The following PGLYRP3 variants were observed in gnomAD, a reference collection of about 807,000 sequenced individuals.
The protein encoded by PGLYRP3 is peptidoglycan recognition protein I alpha.
A neutral mutation model predicts 36.0 loss-of-function variants in PGLYRP3; 39 were observed. The observed-to-expected ratio is 1.08, with a 90% CI of 0.84 to 1.41. PGLYRP3 has a LOEUF of 1.41. PGLYRP3 is among the 40% of genes most tolerant of loss of function. The probability of loss-of-function intolerance (pLI) is 0.00; values close to 1 mark genes in which losing one functional copy is unlikely to be tolerated. For synonymous variants in PGLYRP3, 204 were observed against 172.8 expected (o/e 1.18, Z -1.42); for missense variants, 407 against 427.9 (o/e 0.95, Z 0.43).
Position 153,297,914 on chromosome 1 carries a change from A to C in PGLYRP3, c.*42T>G, listed in dbSNP as rs758351596. On this transcript the variant is annotated 3_prime_UTR_variant, in exon 8 of 8. Transcript: ENST00000683862. ...TGGCTGGTGAGGGTTGGAGAGACCC[A>C]GCAGGGGAGGGAGGGCAGTCTCAAA... 1.6e-5 allele frequency: 26 copies of C among 1,601,544 alleles called. No individual in the cohort carries two copies. Among genetic ancestry groups the C allele is most frequent in the Non-Finnish European group, 2.1e-5 (25 of 1,172,114 alleles).
At chr1:153,302,862 G>A (rs1465905410) in intron 5 of PGLYRP3, among the ~76,000 whole-genome samples, 1 of 152,212 alleles carries the variant, frequency 6.6e-6, no homozygotes, top group Non-Finnish European at 1.5e-5. Context: ...TAAGCAGAAG[G>A]GAAAGGGCTG....
chr1:153,299,828 C>G (rs1313013820), intron 6 of PGLYRP3, among the ~76,000 whole-genome samples: 1 of 152,210 alleles, frequency 6.6e-6, no homozygotes, highest in East Asian at 1.9e-4. Flanking sequence ...TACCCCCTCA[C>G]TCAGCCCACC....
chr1:153,300,308 G>A (rs113586136), intron 6 of PGLYRP3, among the ~76,000 whole-genome samples: 3 of 152,216 alleles, frequency 2.0e-5, no homozygotes, highest in Non-Finnish European at 2.9e-5. Flanking sequence ...CCTCCCTCTA[G>A]AAGCCATTCT....
At position 153,311,963 on chromosome 1, in the gene PGLYRP3, C is replaced by T. The variant is rs536285290; in HGVS notation, c.-42+680G>A. ...AATAAATATAAGGAAAAATGTTCAG[C>T]CTCCCTCGTTAGTTAAATGAGAGGT... On this transcript the variant is annotated intron_variant, in intron 1 of 7. Transcript: ENST00000683862. Among the ~76,000 whole-genome samples the T allele has an allele frequency of 2.6e-5, 4 of 152,258 alleles. No individual in the cohort carries two copies. The South Asian group carries it at 8.3e-4, about 32-fold the overall frequency.
intron 1 of PGLYRP3, among the ~76,000 whole-genome samples, chr1:153,312,238 G>A (rs1659911328): frequency 6.6e-6 from 1 of 152,152 alleles, no homozygotes; most frequent in Non-Finnish European, 1.5e-5. Flanking sequence ...ACCATGAACT[G>A]CAAACACTAA....
Position 153,307,212 on chromosome 1 carries a change from C to A in PGLYRP3, c.111G>T (p.Arg37Ser). The A allele has an allele frequency of 6.2e-7, 1 of 1,611,672 alleles. No homozygotes were observed. Among genetic ancestry groups the A allele is most frequent in the Non-Finnish European group, 8.5e-7 (1 of 1,179,094 alleles). ...AGGCCACAGGCAGGGTCAGCAGGGCCCTGCAGGCGAGCGGTCTTGCCCCCC... is the reference window on the plus strand; with the variant it reads ...AGGCCACAGGCAGGGTCAGCAGGGCACTGCAGGCGAGCGGTCTTGCCCCCC... ...KEWGARPLACRALLTLPVAYI... is the reference protein window; with the variant it reads ...KEWGARPLACSALLTLPVAYI... The change falls in exon 3 of 8, where the codon AGG becomes AGT. Residue 37 changes from arginine to serine, a missense_variant. Coordinates refer to ENST00000683862, the MANE Select transcript of PGLYRP3 (RefSeq NM_052891.3).
Position 153,302,497 on chromosome 1 carries a change from A to G in PGLYRP3, c.640T>C (p.Cys214Arg). ...GTCTGGCAGTCTGTGGATACAGTGCAGCTTGTGCCAGCGGTGTGGATGATG... is the reference window on the plus strand; with the variant it reads ...GTCTGGCAGTCTGTGGATACAGTGCGGCTTGTGCCAGCGGTGTGGATGATG... ...VIIIHTAGTS[C>R]TVSTDCQTVV... Residue 214 changes from cysteine to arginine, a missense_variant, in exon 6 of 8, where the codon TGC (cysteine) becomes CGC (arginine). Coordinates refer to ENST00000683862, the MANE Select transcript of PGLYRP3 (RefSeq NM_052891.3). 2 of 1,614,246 alleles carry G rather than the reference A, an allele frequency of 1.2e-6. No homozygotes were observed. The highest frequency in any genetic ancestry group is 1.7e-6 in the Non-Finnish European group (2 of 1,180,046).
chr1:153,312,394 G>A (rs1161364492), intron 1 of PGLYRP3, among the ~76,000 whole-genome samples: 11 of 152,186 alleles, frequency 7.2e-5, no homozygotes, highest in Admixed American at 7.2e-4. Context: ...AAGAAATTGG[G>A]TAGAGGTAAC....
rs764365858 is a variant in PGLYRP3 at position 153,298,258 on chromosome 1, C to T, written c.848-124G>A. On this transcript the variant is annotated intron_variant, in intron 7 of 7. Transcript: ENST00000683862. ...ACGCCCCATTCCGCCATCACCATAG[C>T]CAACACATTTACGTAAATTGTGGCA... 59 of 1,049,342 alleles carry T rather than the reference C, an allele frequency of 5.6e-5. 1 individual carries two copies. In the Middle Eastern group the frequency reaches 6.5e-4, roughly 12 times the overall value. The allele number at this position is 1,049,342 out of a possible 1,614,324, so 65.0% of individuals were successfully genotyped here.
chr1:153,312,403 AC>A (rs1436485445), intron 1 of PGLYRP3, among the ~76,000 whole-genome samples: 2 of 152,332 alleles, frequency 1.3e-5, no homozygotes, highest in South Asian at 2.1e-4. Flanking sequence ...GGTAGAGGTA[AC>A]CTCAGAACCC....
At chr1:153,302,351 C>T in intron 6 of PGLYRP3, 58 bp downstream of exon 6, 1 of 1,571,780 alleles carries the variant, frequency 6.4e-7, no homozygotes, top group Non-Finnish European at 8.7e-7. Context: ...CCTCCCACAG[C>T]CTTCCTTCCT....
At chr1:153,302,662 C>A (rs1659628743) in intron 5 of PGLYRP3, 55 bp from the exon 6 acceptor site, 2 of 1,537,972 alleles carry the variant, frequency 1.3e-6, no homozygotes, top group African/African-American at 1.4e-5. Context: ...TCTCTGTGAG[C>A]AATCACTCAA....
intron 7 of PGLYRP3, among the ~76,000 whole-genome samples, chr1:153,298,845 TTTGCAAAAGACGTTTCCCCCC>T (rs1440923041): frequency 6.6e-6 from 1 of 152,046 alleles, no homozygotes; most frequent in Non-Finnish European, 1.5e-5. Flanking sequence ...AGCACTGAAG[TTTGCAAAAGACGTTTCCCCCC>T]TTGCTCCATG....
Position 153,297,551 on chromosome 1 carries a change from GA to G in PGLYRP3, c.*404del, listed in dbSNP as rs1275963757. On this transcript the variant is annotated 3_prime_UTR_variant, in exon 8 of 8. Transcript: ENST00000683862. ...GGAAGGAAGGAAGGAAGGAAGGAAGGAAAGAAAGAAAAAGAAAGAAAGAAAG... is the reference window on the plus strand; with the variant it reads ...GGAAGGAAGGAAGGAAGGAAGGAAGGAAGAAAGAAAAAGAAAGAAAGAAAG... Among the ~76,000 whole-genome samples, 5 of 72,656 alleles carry G rather than the reference GA, an allele frequency of 6.9e-5. No individual in the cohort carries two copies. The highest frequency in any genetic ancestry group is 1.3e-4 in the Non-Finnish European group (4 of 31,070). The allele number at this position is 72,656 out of a possible 152,430, so 47.7% of individuals were successfully genotyped here.
chr1:153,308,929 CTA>C (rs1244727065), intron 2 of PGLYRP3, among the ~76,000 whole-genome samples: 4 of 152,160 alleles, frequency 2.6e-5, no homozygotes, highest in Admixed American at 1.3e-4. Context: ...ACCGGCAGAC[CTA>C]CTAATCAAAC....
intron 6 of PGLYRP3, among the ~76,000 whole-genome samples, chr1:153,300,956 T>G (rs563496403): frequency 6.6e-6 from 1 of 152,298 alleles, no homozygotes; most frequent in East Asian, 1.9e-4. Context: ...ACTCTGTTGC[T>G]CAGGCTGAAG....
chr1:153,297,927 G>T lies in PGLYRP3; in HGVS notation c.*29C>A. On this transcript the variant is annotated 3_prime_UTR_variant, in exon 8 of 8. Transcript: ENST00000683862. ...TTGGAGAGACCCAGCAGGGGAGGGA[G>T]GGCAGTCTCAAAGGGAGTGGGGCCT... The T allele has an allele frequency of 6.2e-7, 1 of 1,607,342 alleles. No individual in the cohort carries two copies. The highest frequency in any genetic ancestry group is 1.1e-5 in the South Asian group (1 of 90,584).
rs79203194 is a variant in PGLYRP3 at position 153,306,539 on chromosome 1, G to A, written c.257+527C>T. ...GAGTGGTCTTTCAGGGTAACAAGTGGGACACTGCTTCCCAGGTGCGAGTCC... is the reference window on the plus strand; with the variant it reads ...GAGTGGTCTTTCAGGGTAACAAGTGAGACACTGCTTCCCAGGTGCGAGTCC... On this transcript the variant is annotated intron_variant, in intron 3 of 7. Transcript: ENST00000683862. Among the ~76,000 whole-genome samples, 1,029 of 152,320 alleles carry A rather than the reference G, an allele frequency of 6.8e-3. 14 individuals carry two copies. Among genetic ancestry groups the A allele is most frequent in the African/African-American group, 0.024 (979 of 41,570 alleles).
rs367867895 is a variant in PGLYRP3 at position 153,301,172 on chromosome 1, C to T, written c.728+1237G>A. Among the ~76,000 whole-genome samples the T allele has an allele frequency of 2.0e-5, 3 of 152,200 alleles. No homozygotes were observed. The East Asian group carries it at 5.8e-4, about 29-fold the overall frequency. On this transcript the variant is annotated intron_variant, in intron 6 of 7. Transcript: ENST00000683862. ...CTGACCTCAAGCAATCCTTCCGCCT[C>T]GGCCTCCTAAAATGCTGAGATTATA...
Sources: gnomAD v4.1 joint callset for allele counts (sites outside exome capture counted in the v4.1 genomes callset) on GRCh38, gnomAD v4.1.1 for gene constraint, MANE v1.5 for transcripts, NCBI Gene and HGNC (gene_info 2026-07-23, HGNC 2026-07-21) for gene names.